OR51I2: variants seen among roughly 807,000 people sequenced by gnomAD.
OR51I2 encodes the protein olfactory receptor family 51 subfamily I member 2.
OR51I2 carries 6 observed loss-of-function variants against 9.3 expected under a neutral mutation model. The ratio of observed to expected loss-of-function variants is 0.64; its 90% CI spans 0.35 to 1.27. The LOEUF (loss-of-function observed/expected upper bound fraction) is 1.27. Ranked by LOEUF, OR51I2 falls within the 50% of genes most tolerant of loss-of-function variation. The pLI is 0.03. For missense variants in OR51I2, 489 were observed against 396.4 expected (o/e 1.23, Z -1.98); for synonymous variants, 179 against 143.1 (o/e 1.25, Z -1.79).
At position 5,453,780 on chromosome 11, in the gene OR51I2, C is replaced by T. The variant is rs1564818391; in HGVS notation, c.292C>T (p.Leu98=). Residue 98 remains leucine, a synonymous_variant, in exon 2 of 2, where the codon CTA becomes TTA. Coordinates refer to ENST00000641930, the MANE Select transcript of OR51I2 (RefSeq NM_001004754.3). ...NARNITFDAC[L]IQMFLIHFFS... ...CCGCAACATCACTTTTGATGCCTGT[C>T]TAATTCAGATGTTTCTTATTCACTT... 2 of 1,614,050 alleles carry T rather than the reference C, an allele frequency of 1.2e-6. No homozygotes were observed. The highest frequency in any genetic ancestry group is 3.3e-5 in the Admixed American group (2 of 60,004).
In OR51I2 at chr11:5,454,208, A is replaced by C. The variant is rs1850912913; in HGVS notation, c.720A>C (p.Thr240=). 1 of 1,614,054 alleles carries C rather than the reference A, an allele frequency of 6.2e-7. No individual in the cohort carries two copies. The highest frequency in any genetic ancestry group is 8.5e-7 in the Non-Finnish European group (1 of 1,180,008). ...AGGAACGCCTCAAAGCTCTCAACAC[A>C]TGTGTGTCACATATCCTGGCTGTAC... ...SREERLKALN[T]CVSHILAVLA... Residue 240 remains threonine (T), a synonymous_variant, in exon 2 of 2, where the codon ACA becomes ACC. Transcript: ENST00000641930.
Position 5,454,483 on chromosome 11 carries a change from A to G in OR51I2, c.*56A>G. On this transcript the variant is annotated 3_prime_UTR_variant, in exon 2 of 2. Transcript: ENST00000641930. ...TTGGCCATAGGCTCTCATCAGTAGC[A>G]TCGTCATCATCATCATCAAAGTATA... 7.6e-7 allele frequency: 1 copy of G among 1,308,850 alleles called. No homozygotes were observed. The highest frequency in any genetic ancestry group is 1.1e-6 in the Non-Finnish European group (1 of 939,358). The allele number at this position is 1,308,850 out of a possible 1,614,324, so 81.1% of individuals were successfully genotyped here. A position where few individuals can be genotyped will look rare whatever the true frequency, so the allele number is the denominator to read the frequency against.
chr11:5,455,095 G>A lies in OR51I2; in HGVS notation c.*668G>A, dbSNP rs1850930646. 1.3e-5 allele frequency: 2 copies of A among 152,148 alleles called. No individual in the cohort carries two copies. The highest frequency in any genetic ancestry group is 1.3e-4 in the Admixed American group (2 of 15,276). The allele number at this position is 152,148 out of a possible 1,614,324, so 9.4% of individuals were successfully genotyped here. ...AAATGTATGAACAAATGTGATCCAG[G>A]TAAACTGATAGATATTGCCATTTAG... On this transcript the variant is annotated 3_prime_UTR_variant, in exon 2 of 2. Transcript: ENST00000641930.
Position 5,453,500 on chromosome 11 carries a change from C to A in OR51I2, c.12C>A (p.Phe4Leu). 1 of 1,550,806 alleles carries A rather than the reference C, an allele frequency of 6.4e-7. No individual in the cohort carries two copies. The highest frequency in any genetic ancestry group is 1.3e-5 in the South Asian group (1 of 79,386). The change falls in exon 2 of 2, where the codon TTC (phenylalanine) becomes TTA (leucine). Residue 4 changes from phenylalanine to leucine, a missense_variant. Phe to Leu is a conservative substitution (Grantham distance 22). Transcript: ENST00000641930. Reference sequence around the variant, plus strand: ...AAGTTTGTTTTGCTATGGGGTTGTTCAATGTCACTCACCCTGCATTCTTCC... The same window carrying A: ...AAGTTTGTTTTGCTATGGGGTTGTTAAATGTCACTCACCCTGCATTCTTCC... MGL[F>L]NVTHPAFFLL... is the part of the protein sequence containing the mutation.
chr11:5,453,494 G>C lies in OR51I2; in HGVS notation c.6G>C (p.Gly2=). The C allele has an allele frequency of 6.5e-7, 1 of 1,542,394 alleles. No homozygotes were observed. Among genetic ancestry groups the C allele is most frequent in the Admixed American group, 2.1e-5 (1 of 48,208 alleles). Residue 2 remains glycine, a synonymous_variant, in exon 2 of 2, where the codon GGG becomes GGC. Coordinates refer to ENST00000641930, the MANE Select transcript of OR51I2 (RefSeq NM_001004754.3). ...TACCCTAAGTTTGTTTTGCTATGGG[G>C]TTGTTCAATGTCACTCACCCTGCAT... The part of the protein sequence containing the change: M[G]LFNVTHPAFF...
chr11:5,455,568 A>AGAGAGGGAGAGAAAGAGAAAGAGAGAG lies in OR51I2; in HGVS notation c.*1146_*1147insGGAGAGAAAGAGAAAGAGAGAGGAGAG, dbSNP rs61289313. The AGAGAGGGAGAGAAAGAGAAAGAGAGAG allele has an allele frequency of 7.4e-6, 1 of 135,318 alleles. No individual in the cohort carries two copies. 8.4% of individuals were successfully genotyped at this position (135,318 alleles called of 1,614,324 possible). ...GATTGGGGGAGAAAGAAGGGGGGAG[A>AGAGAGGGAGAGAAAGAGAAAGAGAGAG]GAGAGAGAGAAAGAGAAAGAGAGAA... On this transcript the variant is annotated 3_prime_UTR_variant, in exon 2 of 2. Coordinates refer to ENST00000641930, the MANE Select transcript of OR51I2 (RefSeq NM_001004754.3).
intron 1 of OR51I2, among the ~76,000 whole-genome samples, chr11:5,451,206 G>A (rs1850842054): frequency 6.6e-6 from 1 of 152,164 alleles, no homozygotes; most frequent in African/African-American, 2.4e-5. Flanking sequence ...GTAAGGGAAG[G>A]GATATAATTC....
At chr11:5,450,829 C>CTG (rs1358362669) in intron 1 of OR51I2, among the ~76,000 whole-genome samples, 1 of 152,174 alleles carries the variant, frequency 6.6e-6, no homozygotes, top group Non-Finnish European at 1.5e-5. Context: ...GTTTGGTTTT[C>CTG]TGTTCCTGTG....
rs774857800 is a variant in OR51I2 at position 5,454,003 on chromosome 11, A to G, written c.515A>G (p.Asn172Ser). The G allele has an allele frequency of 6.2e-6, 10 of 1,613,810 alleles. No homozygotes were observed. The highest frequency in any genetic ancestry group is 2.2e-5 in the East Asian group (1 of 44,882). ...LIKRLPICRS[N>S]VLSHSYCLHP... is the part of the protein sequence containing the mutation. ...AAGAGGCTGCCTATCTGCAGATCCA[A>G]TGTTCTTTCTCACTCCTACTGCCTG... Residue 172 changes from asparagine to serine, a missense_variant, in exon 2 of 2, where the codon AAT becomes AGT. Transcript: ENST00000641930.
rs1850886559 is a variant in OR51I2, at chr11:5,453,368, T to C, written c.-121T>C. The C allele has an allele frequency of 1.6e-6, 1 of 626,612 alleles. No homozygotes were observed. The highest frequency in any genetic ancestry group is 2.6e-6 in the Non-Finnish European group (1 of 390,576). 38.8% of individuals were successfully genotyped at this position (626,612 alleles called of 1,614,324 possible). ...TTTCATGAATGCGTCAGTTTCCATTTATGTCAACATCATCGCTTTGTCTCT... is the reference window on the plus strand; with the variant it reads ...TTTCATGAATGCGTCAGTTTCCATTCATGTCAACATCATCGCTTTGTCTCT... On this transcript the variant is annotated 5_prime_UTR_variant, in exon 2 of 2. Coordinates refer to ENST00000641930, the MANE Select transcript of OR51I2 (RefSeq NM_001004754.3).
rs564968479 is a variant in OR51I2 at position 5,450,197 on chromosome 11, T to C, written c.-231+833T>C. On this transcript the variant is annotated intron_variant, in intron 1 of 1. Coordinates refer to ENST00000641930, the MANE Select transcript of OR51I2 (RefSeq NM_001004754.3). Reference sequence around the variant, plus strand: ...TGAGGTCAGGTGTTCGAGACCAGCCTGGCCAATATGGTGAAACCCTGTCTC... The same window carrying C: ...TGAGGTCAGGTGTTCGAGACCAGCCCGGCCAATATGGTGAAACCCTGTCTC... 4.6e-3 allele frequency among the ~76,000 whole-genome samples: 702 copies of C among 152,146 alleles called. 3 individuals are homozygous for C. Among genetic ancestry groups the C allele is most frequent in the African/African-American group, 0.016 (679 of 41,512 alleles).
chr11:5,454,230 G>A lies in OR51I2; in HGVS notation c.742G>A (p.Val248Ile), dbSNP rs377500071. 1.9e-5 allele frequency: 30 copies of A among 1,614,066 alleles called. No homozygotes were observed. Among genetic ancestry groups the A allele is most frequent in the Non-Finnish European group, 2.4e-5 (28 of 1,180,030 alleles). The change falls in exon 2 of 2, where the codon GTA becomes ATA. Residue 248 changes from valine to isoleucine, a missense_variant. Transcript: ENST00000641930. ...CACATGTGTGTCACATATCCTGGCT[G>A]TACTTGCATTTTATGTGCCAATGAT... ...LNTCVSHILAVLAFYVPMIGV... is the reference protein window; with the variant it reads ...LNTCVSHILAILAFYVPMIGV...
rs549065495 is a variant in OR51I2, at chr11:5,453,463, G to A, written c.-26G>A. The A allele has an allele frequency of 2.7e-6, 4 of 1,487,698 alleles. No individual in the cohort carries two copies. The highest frequency in any genetic ancestry group is 3.6e-6 in the Non-Finnish European group (4 of 1,114,552). 92.2% of individuals were successfully genotyped at this position (1,487,698 alleles called of 1,614,324 possible). ...TCTCCAAGTCAGAAGATCTGACTCT[G>A]AAAAGTACCCTAAGTTTGTTTTGCT... On this transcript the variant is annotated 5_prime_UTR_variant, in exon 2 of 2. Transcript: ENST00000641930.
In OR51I2 at chr11:5,453,741, T is replaced by C. The variant is rs113366643; in HGVS notation, c.253T>C (p.Phe85Leu). ...CACACTGCCCACTGTACTCCGAACC[T>C]TCTGCCTCAATGCCCGCAACATCAC... ...MATLPTVLRT[F>L]CLNARNITFD... The change falls in exon 2 of 2, where the codon TTC (phenylalanine) becomes CTC (leucine). Residue 85 changes from phenylalanine (F) to leucine (L), a missense_variant. Coordinates refer to ENST00000641930, the MANE Select transcript of OR51I2 (RefSeq NM_001004754.3). 75 of 1,614,190 alleles carry C rather than the reference T, an allele frequency of 4.6e-5. No homozygotes were observed. In the African/African-American group the frequency reaches 8.3e-4, roughly 18 times the overall value.
Position 5,453,999 on chromosome 11 carries a change from T to G in OR51I2, c.511T>G (p.Ser171Ala). Reference protein sequence around the residue: ...FLIKRLPICRSNVLSHSYCLH... With the variant: ...FLIKRLPICRANVLSHSYCLH... ...TATTAAGAGGCTGCCTATCTGCAGA[T>G]CCAATGTTCTTTCTCACTCCTACTG... The change falls in exon 2 of 2, where the codon TCC (serine) becomes GCC (alanine). Residue 171 changes from serine (S) to alanine (A), a missense_variant. Ser to Ala is a moderately conservative substitution (Grantham distance 99, BLOSUM62 1). Coordinates refer to ENST00000641930, the MANE Select transcript of OR51I2 (RefSeq NM_001004754.3). 1.2e-6 allele frequency: 2 copies of G among 1,614,046 alleles called. No homozygotes were observed. Among genetic ancestry groups the G allele is most frequent in the Non-Finnish European group, 1.7e-6 (2 of 1,180,018 alleles).
Position 5,455,553 on chromosome 11 carries a change from G to A in OR51I2, c.*1126G>A, listed in dbSNP as rs1166270583. 4.8e-5 allele frequency: 2 copies of A among 41,874 alleles called. No homozygotes were observed. Among genetic ancestry groups the A allele is most frequent in the East Asian group, 4.8e-4 (1 of 2,066 alleles). The allele number at this position is 41,874 out of a possible 1,614,324, so 2.6% of individuals were successfully genotyped here. On this transcript the variant is annotated 3_prime_UTR_variant, in exon 2 of 2. Coordinates refer to ENST00000641930, the MANE Select transcript of OR51I2 (RefSeq NM_001004754.3). Reference sequence around the variant, plus strand: ...CAAAAGAGAGCGAGGGATTGGGGGAGAAAGAAGGGGGGAGAGAGAGAGAGA... The same window carrying A: ...CAAAAGAGAGCGAGGGATTGGGGGAAAAAGAAGGGGGGAGAGAGAGAGAGA...
Position 5,454,479 on chromosome 11 carries a change from T to G in OR51I2, c.*52T>G. 4.4e-6 allele frequency: 6 copies of G among 1,372,790 alleles called. No homozygotes were observed. The highest frequency in any genetic ancestry group is 6.0e-6 in the Non-Finnish European group (6 of 993,880). 85.0% of individuals were successfully genotyped at this position (1,372,790 alleles called of 1,614,324 possible). ...TATTTTGGCCATAGGCTCTCATCAG[T>G]AGCATCGTCATCATCATCATCAAAG... On this transcript the variant is annotated 3_prime_UTR_variant, in exon 2 of 2. Coordinates refer to ENST00000641930, the MANE Select transcript of OR51I2 (RefSeq NM_001004754.3).
intron 1 of OR51I2, among the ~76,000 whole-genome samples, chr11:5,452,591 C>CAAGATATGGAG (rs1554893305): frequency 7.1e-6 from 1 of 141,560 alleles, no homozygotes; most frequent in African/African-American, 2.6e-5. Flanking sequence ...AGCGACTTTA[C>CAAGATATGGAG]GAGATATGGA....
intron 1 of OR51I2, among the ~76,000 whole-genome samples, chr11:5,452,503 TCAAAAAAAAAAAAAAAAAA>T (rs1564817776): frequency 9.2e-5 from 3 of 32,764 alleles, no homozygotes; most frequent in Non-Finnish European, 1.0e-4. Context: ...AGACTCTGTC[TCAAAAAAAAAAAAAAAAAA>T]AAAAAAAAAA....
Sources: gnomAD v4.1 joint callset for allele counts (sites outside exome capture counted in the v4.1 genomes callset) on GRCh38, gnomAD v4.1.1 for gene constraint, MANE v1.5 for transcripts, NCBI Gene and HGNC (gene_info 2026-07-23, HGNC 2026-07-21) for gene names.